Variants in CACNA2D3 observed in about 807,000 individuals in gnomAD.
CACNA2D3 encodes the protein voltage-dependent calcium channel subunit alpha-2/delta-3.
Under a neutral mutation model 160.6 loss-of-function variants are expected in CACNA2D3, and 60 were observed. That is an observed-to-expected ratio of 0.37 (90% CI 0.30 to 0.46). CACNA2D3 has a LOEUF of 0.46. Ranked by LOEUF, CACNA2D3 falls within the 20% of genes least tolerant of loss-of-function variation. CACNA2D3 has a pLI of 1.00. For synonymous variants in CACNA2D3, 558 were observed against 492.9 expected (o/e 1.13, Z -1.75); for missense variants, 1,205 against 1,365.0 (o/e 0.88, Z 1.85).
chr3:55,014,602 C>T (rs573390391), intron 34 of CACNA2D3, among the ~76,000 whole-genome samples: 3 of 152,136 alleles, frequency 2.0e-5, no homozygotes, highest in South Asian at 4.2e-4. Flanking sequence ...CATGATGGCG[C>T]GTGCCTGTAA....
At chr3:54,665,905 G>C (rs1305065457) in intron 11 of CACNA2D3, among the ~76,000 whole-genome samples, 2 of 151,692 alleles carry the variant, frequency 1.3e-5, no homozygotes, top group Non-Finnish European at 2.9e-5. Context: ...AGGTTCAAGC[G>C]ATACTCCTAC....
At chr3:54,687,407 C>G (rs559570627) in intron 11 of CACNA2D3, among the ~76,000 whole-genome samples, 1 of 151,364 alleles carries the variant, frequency 6.6e-6, no homozygotes, top group South Asian at 2.1e-4. Context: ...GCCTTGGCCT[C>G]CCAATGTGCC....
chr3:54,696,417 A>G (rs1700668005), intron 11 of CACNA2D3, among the ~76,000 whole-genome samples: 1 of 152,234 alleles, frequency 6.6e-6, no homozygotes, highest in Admixed American at 6.5e-5. Flanking sequence ...TTTACAATGC[A>G]TAGAAATGAG....
At chr3:54,141,082 T>TGTGTGTGTGTGTGTGC (rs1699919639) in intron 2 of CACNA2D3, among the ~76,000 whole-genome samples, 5 of 112,600 alleles carry the variant, frequency 4.4e-5, no homozygotes, top group Non-Finnish European at 9.1e-5. Flanking sequence ...TGTGTGTGTG[T>TGTGTGTGTGTGTGTGC]GTGTGCGCGC....
intron 2 of CACNA2D3, among the ~76,000 whole-genome samples, chr3:54,267,107 G>T (rs1405100964): frequency 6.6e-6 from 1 of 152,128 alleles, no homozygotes. Context: ...TTATTAAAAA[G>T]CAAATATTAA....
chr3:54,359,378 G>A (rs1360824371), intron 3 of CACNA2D3, among the ~76,000 whole-genome samples: 1 of 152,224 alleles, frequency 6.6e-6, no homozygotes, highest in African/African-American at 2.4e-5. Flanking sequence ...ATGGGTAGAG[G>A]TCAGAGTGTG....
intron 35 of CACNA2D3, among the ~76,000 whole-genome samples, chr3:55,039,746 G>A (rs574507214): frequency 6.6e-6 from 1 of 152,288 alleles, no homozygotes; most frequent in South Asian, 2.1e-4. Context: ...ATGTTATTTA[G>A]AGACCACAAT....
intron 13 of CACNA2D3, among the ~76,000 whole-genome samples, chr3:54,803,459 A>G (rs1425956224): frequency 2.0e-5 from 3 of 152,250 alleles, no homozygotes; most frequent in Non-Finnish European, 4.4e-5. Flanking sequence ...AAAGGGTATC[A>G]GTGATGGAAG....
chr3:54,333,868 G>A (rs1704320671), intron 3 of CACNA2D3, among the ~76,000 whole-genome samples: 1 of 152,218 alleles, frequency 6.6e-6, no homozygotes, highest in South Asian at 2.1e-4. Context: ...AGTTCTCCAA[G>A]CTTGTGTCCC....
At position 54,285,675 on chromosome 3, in the gene CACNA2D3, C is replaced by T. The variant is rs572476707; in HGVS notation, c.205-34767C>T. ...CCCCGAGCAGCCTAACTGGGAGGCACCCCCCAGTAGGGGCAGACAGACACA... is the reference window on the plus strand; with the variant it reads ...CCCCGAGCAGCCTAACTGGGAGGCATCCCCCAGTAGGGGCAGACAGACACA... On this transcript the variant is annotated intron_variant, in intron 2 of 37. Coordinates refer to ENST00000474759, the MANE Select transcript of CACNA2D3 (RefSeq NM_018398.3). 2.9e-4 allele frequency among the ~76,000 whole-genome samples: 44 copies of T among 152,284 alleles called. 1 individual carries two copies. The highest frequency in any genetic ancestry group is 4.8e-4 in the African/African-American group (20 of 41,564).
chr3:54,677,667 A>G lies in CACNA2D3; in HGVS notation c.1167+35426A>G, dbSNP rs538117972. Among the ~76,000 whole-genome samples, 3 of 151,358 alleles carry G rather than the reference A, an allele frequency of 2.0e-5. No homozygotes were observed. The South Asian group carries it at 6.2e-4, about 31-fold the overall frequency. On this transcript the variant is annotated intron_variant, in intron 11 of 37. Transcript: ENST00000474759. Reference sequence around the variant, plus strand: ...CTCGTCTAGTCTCTCTCCCAGGAATATGTTACAAATCATGTTTTATTATCA... The same window carrying G: ...CTCGTCTAGTCTCTCTCCCAGGAATGTGTTACAAATCATGTTTTATTATCA...
At chr3:54,158,427 A>G (rs1700281685) in intron 2 of CACNA2D3, among the ~76,000 whole-genome samples, 1 of 152,154 alleles carries the variant, frequency 6.6e-6, no homozygotes, top group Non-Finnish European at 1.5e-5. Context: ...CTTTAAGAAC[A>G]GTATGAGGTG....
At position 54,231,565 on chromosome 3, in the gene CACNA2D3, A is replaced by G. The variant is rs566220076; in HGVS notation, c.205-88877A>G. ...ATGAGCATTAGGCTCACACACGTACATAACTGTGTTTAATCATGTTGTAAG... is the reference window on the plus strand; with the variant it reads ...ATGAGCATTAGGCTCACACACGTACGTAACTGTGTTTAATCATGTTGTAAG... On this transcript the variant is annotated intron_variant, in intron 2 of 37. Transcript: ENST00000474759. 1.1e-4 allele frequency among the ~76,000 whole-genome samples: 16 copies of G among 152,336 alleles called. No homozygotes were observed. In the East Asian group the frequency reaches 2.9e-3, roughly 27 times the overall value.
chr3:54,754,863 C>T (rs1701941639), intron 12 of CACNA2D3, among the ~76,000 whole-genome samples: 1 of 151,982 alleles, frequency 6.6e-6, no homozygotes, highest in Non-Finnish European at 1.5e-5. Flanking sequence ...AAAGTTGTTC[C>T]CTGAAATTAA....
chr3:55,022,505 C>T (rs1440194330), intron 35 of CACNA2D3, among the ~76,000 whole-genome samples: 1 of 151,530 alleles, frequency 6.6e-6, no homozygotes, highest in Non-Finnish European at 1.5e-5. Context: ...TCTTATTCCT[C>T]ATGTTTTTTC....
At chr3:54,483,254 A>AT (rs367646603) in intron 4 of CACNA2D3, among the ~76,000 whole-genome samples, 242 of 151,768 alleles carry the variant, frequency 1.6e-3, no homozygotes, top group African/African-American at 5.0e-3. Flanking sequence ...CCACACAATG[A>AT]TTTTTTTTTG....
At chr3:54,358,311 T>A (rs2107539068) in intron 3 of CACNA2D3, among the ~76,000 whole-genome samples, 1 of 152,376 alleles carries the variant, frequency 6.6e-6, no homozygotes, top group African/African-American at 2.4e-5. Flanking sequence ...ATTATTTATG[T>A]CTTAATGCAG....
intron 4 of CACNA2D3, among the ~76,000 whole-genome samples, chr3:54,485,127 G>A (rs1308493934): frequency 6.6e-6 from 1 of 152,138 alleles, no homozygotes; most frequent in Non-Finnish European, 1.5e-5. Context: ...TTACAGGCAT[G>A]AGCCACCGTG....
At chr3:54,709,061 G>A (rs1442625356) in intron 11 of CACNA2D3, among the ~76,000 whole-genome samples, 1 of 149,958 alleles carries the variant, frequency 6.7e-6, no homozygotes, top group Non-Finnish European at 1.5e-5. Flanking sequence ...CTAGGCTAGA[G>A]TGCAATGACT....
Sources: allele counts gnomAD v4.1 joint callset (sites outside exome capture counted in the v4.1 genomes callset), GRCh38; gene constraint gnomAD v4.1.1; transcripts MANE v1.5; gene names NCBI Gene and HGNC (gene_info 2026-07-23, HGNC 2026-07-21).